JARID2: variants seen among roughly 807,000 people sequenced by gnomAD.
JARID2 encodes jumonji and AT-rich interaction domain containing 2.
Under a neutral mutation model 125.6 loss-of-function variants are expected in JARID2, and 21 were observed. The observed-to-expected ratio is 0.17, with a 90% confidence interval of 0.12 to 0.24. The LOEUF (loss-of-function observed/expected upper bound fraction) is 0.24, where lower values mean the gene tolerates loss of function less well. Among genes scored for constraint, JARID2 ranks in the 10% least tolerant of loss-of-function variants. The pLI is 1.00. For missense variants in JARID2, 1,303 were observed against 1,639.6 expected, an observed-to-expected ratio of 0.79 and a Z score of 3.55; for synonymous variants, 736 against 661.6, an observed-to-expected ratio of 1.11 and a Z score of -1.73.
chr6:15,478,436 C>T (rs867202098), intron 5 of JARID2, among the ~76,000 whole-genome samples: 8 of 151,970 alleles, frequency 5.3e-5, no homozygotes, highest in African/African-American at 1.5e-4. Context: ...TTAGTTTTTT[C>T]GTGCTAATGT....
chr6:15,467,526 C>CTTTT (rs34064637), intron 4 of JARID2, among the ~76,000 whole-genome samples: 1 of 135,068 alleles, frequency 7.4e-6, no homozygotes, highest in Non-Finnish European at 1.6e-5. Context: ...CTATATTGTG[C>CTTTT]TTTTTTTTTT....
At chr6:15,413,077 T>A (rs1433265871) in intron 3 of JARID2, among the ~76,000 whole-genome samples, 1 of 135,220 alleles carries the variant, frequency 7.4e-6, no homozygotes, top group Non-Finnish European at 1.5e-5. Flanking sequence ...TGCAGTGCAA[T>A]GGTGCGATCT....
intron 2 of JARID2, among the ~76,000 whole-genome samples, chr6:15,400,302 G>A (rs1765376568): frequency 6.6e-6 from 1 of 152,076 alleles, no homozygotes; most frequent in Non-Finnish European, 1.5e-5. Context: ...GGGGGAGGGC[G>A]GGCTGGAGGA....
At chr6:15,514,305 A>G (rs1771439665) in intron 16 of JARID2, among the ~76,000 whole-genome samples, 1 of 152,222 alleles carries the variant, frequency 6.6e-6, no homozygotes, top group Non-Finnish European at 1.5e-5. Flanking sequence ...CCTGGAACAG[A>G]GAGCATGCCC....
chr6:15,412,907 AT>A (rs1162891626), intron 3 of JARID2, among the ~76,000 whole-genome samples: 1 of 151,274 alleles, frequency 6.6e-6, no homozygotes. Context: ...ATAATGGTTA[AT>A]TTTAAAATAT....
intron 1 of JARID2, among the ~76,000 whole-genome samples, chr6:15,329,292 T>G (rs544147129): frequency 6.6e-6 from 1 of 152,112 alleles, no homozygotes; most frequent in Non-Finnish European, 1.5e-5. Flanking sequence ...GCTTTGTGGT[T>G]GTGATTAATC....
chr6:15,332,120 A>G (rs73726551), intron 1 of JARID2, among the ~76,000 whole-genome samples: 31 of 152,172 alleles, frequency 2.0e-4, no homozygotes, highest in African/African-American at 7.0e-4. Context: ...TGTCAGAGTG[A>G]GGAAGGAAGG....
intron 1 of JARID2, among the ~76,000 whole-genome samples, chr6:15,280,291 C>T (rs1484999808): frequency 1.3e-5 from 2 of 152,012 alleles, no homozygotes; most frequent in African/African-American, 2.4e-5. Context: ...TCTCTAAATT[C>T]GTTCGAGTTA....
intron 3 of JARID2, among the ~76,000 whole-genome samples, chr6:15,446,391 G>T (rs1185847913): frequency 6.6e-6 from 1 of 152,214 alleles, no homozygotes; most frequent in African/African-American, 2.4e-5. Context: ...CTCCGAGGAG[G>T]TGACTTCTGT....
At chr6:15,254,814 C>T (rs1464651692) in intron 1 of JARID2, among the ~76,000 whole-genome samples, 9 of 152,044 alleles carry the variant, frequency 5.9e-5, no homozygotes, top group South Asian at 2.1e-4. Context: ...CCGAGGTGAG[C>T]GGATCACTTC....
chr6:15,249,371 A>G (rs1358102569), intron 1 of JARID2, among the ~76,000 whole-genome samples: 1 of 151,716 alleles, frequency 6.6e-6, no homozygotes, highest in Non-Finnish European at 1.5e-5. Flanking sequence ...CTCTGTACCT[A>G]CTGACTGTTA....
intron 4 of JARID2, among the ~76,000 whole-genome samples, chr6:15,456,878 C>CTTTTTTTTTTTTTTTTTTTTTTTT (rs71535043): frequency 2.1e-5 from 2 of 95,672 alleles, no homozygotes; most frequent in Admixed American, 1.3e-4. Context: ...GGATGTTAAG[C>CTTTTTTTTTTTTTTTTTTTTTTTT]TTTTTTTTTT....
At chr6:15,416,311 C>A (rs1335634405) in intron 3 of JARID2, among the ~76,000 whole-genome samples, 1 of 152,206 alleles carries the variant, frequency 6.6e-6, no homozygotes, top group Non-Finnish European at 1.5e-5. Context: ...GCTGCAATCT[C>A]GGCACTTTGG....
intron 1 of JARID2, among the ~76,000 whole-genome samples, chr6:15,326,198 A>G (rs1762528013): frequency 6.6e-6 from 1 of 152,092 alleles, no homozygotes; most frequent in Non-Finnish European, 1.5e-5. Flanking sequence ...CCTTTACTCT[A>G]AGTGAAGCAA....
chr6:15,444,501 G>A (rs1767581196), intron 3 of JARID2, among the ~76,000 whole-genome samples: 1 of 152,076 alleles, frequency 6.6e-6, no homozygotes, highest in South Asian at 2.1e-4. Flanking sequence ...AACCTCCAGT[G>A]CGCACACACA....
chr6:15,343,543 T>C (rs755250160), intron 1 of JARID2, among the ~76,000 whole-genome samples: 5 of 152,218 alleles, frequency 3.3e-5, no homozygotes, highest in Non-Finnish European at 5.9e-5. Flanking sequence ...AGTCTCTTGC[T>C]ATAAAATTAG....
At chr6:15,347,222 G>A (rs1371280389) in intron 1 of JARID2, among the ~76,000 whole-genome samples, 1 of 152,162 alleles carries the variant, frequency 6.6e-6, no homozygotes, top group Non-Finnish European at 1.5e-5. Context: ...GGCAGAATGA[G>A]GATATGGGGA....
chr6:15,495,267 C>T (rs961732147), intron 6 of JARID2, among the ~76,000 whole-genome samples: 2 of 152,184 alleles, frequency 1.3e-5, no homozygotes, highest in Non-Finnish European at 2.9e-5. Context: ...ATTACCACGG[C>T]GTCCAAGCTG....
intron 7 of JARID2, among the ~76,000 whole-genome samples, chr6:15,498,174 C>T (rs917941149): frequency 2.3e-4 from 35 of 152,332 alleles, no homozygotes; most frequent in African/African-American, 8.4e-4. Context: ...CTTGTCTCTT[C>T]TTCCTCTGAG....
Sources: gnomAD v4.1 joint callset for allele counts (sites outside exome capture counted in the v4.1 genomes callset) on GRCh38, gnomAD v4.1.1 for gene constraint, MANE v1.5 for transcripts, NCBI Gene and HGNC (gene_info 2026-07-23, HGNC 2026-07-21) for gene names.